SHISA6: variants seen among roughly 807,000 people sequenced by gnomAD.
The protein encoded by SHISA6 is shisa family member 6, also known as protein shisa-6.
Under a neutral mutation model 47.9 loss-of-function variants are expected in SHISA6, and 22 were observed. The observed-to-expected ratio is 0.46, with a 90% confidence interval of 0.33 to 0.66. SHISA6 has a LOEUF of 0.66. SHISA6 is among the 30% of genes least tolerant of loss of function. The pLI, the probability that SHISA6 is intolerant of heterozygous loss-of-function variation, is 0.02. For synonymous variants in SHISA6, 388 were observed against 337.8 expected (o/e 1.15, Z -1.63); for missense variants, 680 against 764.6 (o/e 0.89, Z 1.30).
intron 1 of SHISA6, among the ~76,000 whole-genome samples, chr17:11,243,549 T>A (rs570486311): frequency 1.3e-5 from 2 of 152,308 alleles, no homozygotes; most frequent in East Asian, 3.9e-4. Context: ...GTGGTCAGTC[T>A]TGGCTCTCAA....
intron 1 of SHISA6, among the ~76,000 whole-genome samples, chr17:11,251,495 G>A (rs1367450997): frequency 6.6e-6 from 1 of 152,120 alleles, no homozygotes; most frequent in Non-Finnish European, 1.5e-5. Flanking sequence ...GAGCAGTGAC[G>A]GGAGCTTGGG....
chr17:11,476,629 T>C (rs980629477), intron 3 of SHISA6, among the ~76,000 whole-genome samples: 1 of 151,688 alleles, frequency 6.6e-6, no homozygotes, highest in African/African-American at 2.4e-5. Flanking sequence ...CATTATGTTC[T>C]GAGAACAGAT....
At chr17:11,290,953 T>C (rs1909513536) in intron 2 of SHISA6, 1 of 151,844 alleles carries the variant, frequency 6.6e-6, no homozygotes, top group South Asian at 2.1e-4. Context: ...AGCCCTGACT[T>C]TCTGCTAGGT....
intron 2 of SHISA6, among the ~76,000 whole-genome samples, chr17:11,319,399 G>T (rs992033261): frequency 2.9e-4 from 44 of 152,094 alleles, no homozygotes; most frequent in Middle Eastern, 3.4e-3. Context: ...TTAATAAGAG[G>T]GTATGGTTGT....
intron 1 of SHISA6, among the ~76,000 whole-genome samples, chr17:11,249,828 A>G (rs568724626): frequency 1.3e-4 from 20 of 152,354 alleles, no homozygotes; most frequent in Admixed American, 1.2e-3. Flanking sequence ...GAGTGCCTCC[A>G]GTAATGAGAC....
At chr17:11,305,812 C>G (rs946930901) in intron 2 of SHISA6, among the ~76,000 whole-genome samples, 8 of 152,224 alleles carry the variant, frequency 5.3e-5, no homozygotes, top group African/African-American at 1.9e-4. Flanking sequence ...CTGCTTATGT[C>G]TCGGAGCGGA....
At chr17:11,483,091 C>T (rs1333648170) in intron 3 of SHISA6, among the ~76,000 whole-genome samples, 1 of 152,026 alleles carries the variant, frequency 6.6e-6, no homozygotes, top group Non-Finnish European at 1.5e-5. Context: ...CATCTGAGGT[C>T]AGGAGTTCGA....
rs575610369 is a variant in SHISA6, at chr17:11,560,083, T to C, written c.*1779T>C. On this transcript the variant is annotated 3_prime_UTR_variant, in exon 6 of 6. Transcript: ENST00000441885. ...AAGGCGAGTGTAGAAGGAGAATTTA[T>C]TGGTGTCAGCCCTGGAGATTTTTAA... 2.0e-5 allele frequency: 3 copies of C among 152,364 alleles called. No individual in the cohort carries two copies. Among genetic ancestry groups the C allele is most frequent in the Admixed American group, 6.5e-5 (1 of 15,304 alleles). 9.4% of individuals were successfully genotyped at this position (152,364 alleles called of 1,614,324 possible). A position where few individuals can be genotyped will look rare whatever the true frequency, so the allele number is the denominator to read the frequency against.
intron 3 of SHISA6, among the ~76,000 whole-genome samples, chr17:11,403,731 C>A (rs1322947479): frequency 6.6e-6 from 1 of 152,144 alleles, no homozygotes; most frequent in Non-Finnish European, 1.5e-5. Context: ...GGTTGACTAC[C>A]CCTGTAGTAC....
At chr17:11,250,060 G>A (rs1907743894) in intron 1 of SHISA6, among the ~76,000 whole-genome samples, 1 of 152,208 alleles carries the variant, frequency 6.6e-6, no homozygotes, top group African/African-American at 2.4e-5. Context: ...CTAAGAGAGA[G>A]GGAGAAAAAG....
intron 2 of SHISA6, among the ~76,000 whole-genome samples, chr17:11,268,767 C>G (rs1360289586): frequency 6.6e-6 from 1 of 152,194 alleles, no homozygotes; most frequent in Non-Finnish European, 1.5e-5. Flanking sequence ...CCAAGAACAT[C>G]ACTTGGAAAA....
intron 3 of SHISA6, among the ~76,000 whole-genome samples, chr17:11,487,412 A>G (rs1291844056): frequency 6.6e-6 from 1 of 152,226 alleles, no homozygotes; most frequent in African/African-American, 2.4e-5. Flanking sequence ...CTAGCTTGTC[A>G]TAACTGGCCA....
chr17:11,296,040 C>G (rs1909742359), intron 2 of SHISA6, among the ~76,000 whole-genome samples: 3 of 151,206 alleles, frequency 2.0e-5, no homozygotes, highest in Non-Finnish European at 4.4e-5. Flanking sequence ...CGCTGATAAG[C>G]CAGAGAGCTT....
chr17:11,242,171 G>C lies in SHISA6; in HGVS notation c.638+111G>C. 2.2e-6 allele frequency: 3 copies of C among 1,387,624 alleles called. No individual in the cohort carries two copies. The South Asian group carries it at 3.9e-5, about 18-fold the overall frequency. The allele number at this position is 1,387,624 out of a possible 1,614,324, so 86.0% of individuals were successfully genotyped here. A position where few individuals can be genotyped will look rare whatever the true frequency, so the allele number is the denominator to read the frequency against. On this transcript the variant is annotated intron_variant, in intron 1 of 5. Coordinates refer to ENST00000441885, the MANE Select transcript of SHISA6 (RefSeq NM_207386.4). ...TCATCACACCTCCCCAGGCCCTCTAGTCATTTCCACCATCGCTCCTTTTGC... is the reference window on the plus strand; with the variant it reads ...TCATCACACCTCCCCAGGCCCTCTACTCATTTCCACCATCGCTCCTTTTGC...
chr17:11,486,755 A>T (rs1039834948), intron 3 of SHISA6, among the ~76,000 whole-genome samples: 17 of 152,192 alleles, frequency 1.1e-4, no homozygotes, highest in Non-Finnish European at 2.5e-4. Context: ...GAGCCATTTC[A>T]TCCACTCCCT....
chr17:11,273,785 A>G (rs1353256852), intron 2 of SHISA6, among the ~76,000 whole-genome samples: 1 of 152,220 alleles, frequency 6.6e-6, no homozygotes. Context: ...TAGGCAGCCC[A>G]GTGTCCAGGA....
chr17:11,362,072 C>T (rs189826344), intron 2 of SHISA6, among the ~76,000 whole-genome samples: 1 of 152,240 alleles, frequency 6.6e-6, no homozygotes, highest in African/African-American at 2.4e-5. Flanking sequence ...TTCATTTTCT[C>T]ATCATTAAGC....
chr17:11,417,894 G>T (rs61150800), intron 3 of SHISA6, among the ~76,000 whole-genome samples: 1 of 152,088 alleles, frequency 6.6e-6, no homozygotes, highest in Non-Finnish European at 1.5e-5. Flanking sequence ...CCGTTTTAAA[G>T]GGAAGTTGAT....
Position 11,551,599 on chromosome 17 carries a change from C to G in SHISA6, c.896-297C>G, listed in dbSNP as rs533665849. Among the ~76,000 whole-genome samples, 32 of 152,260 alleles carry G rather than the reference C, an allele frequency of 2.1e-4. No individual in the cohort carries two copies. The South Asian group carries it at 6.4e-3, about 31-fold the overall frequency. Reference sequence around the variant, plus strand: ...TGCATGCATACCTGCCAAACACTCCCTACTCTCCATCCTTCTCCTCTTCCA... The same window carrying G: ...TGCATGCATACCTGCCAAACACTCCGTACTCTCCATCCTTCTCCTCTTCCA... On this transcript the variant is annotated intron_variant, in intron 3 of 5. Coordinates refer to ENST00000441885, the MANE Select transcript of SHISA6 (RefSeq NM_207386.4).
Sources: gnomAD v4.1 joint callset for allele counts (sites outside exome capture counted in the v4.1 genomes callset) on GRCh38, gnomAD v4.1.1 for gene constraint, MANE v1.5 for transcripts, NCBI Gene and HGNC (gene_info 2026-07-23, HGNC 2026-07-21) for gene names.